Variants in HAUS2 observed in about 807,000 individuals in gnomAD.
HAUS2 encodes the protein HAUS augmin-like complex subunit 2.
Under a neutral mutation model 21.6 loss-of-function variants are expected in HAUS2, and 20 were observed. The ratio of observed to expected loss-of-function variants is 0.93; its 90% CI spans 0.65 to 1.35. HAUS2 has a LOEUF of 1.35. Among genes scored for constraint, HAUS2 ranks in the 40% most tolerant of loss-of-function variants. HAUS2 has a pLI of 0.00. For missense variants in HAUS2, 297 were observed against 280.7 expected (o/e 1.06, Z -0.42); for synonymous variants, 113 against 95.6 (o/e 1.18, Z -1.06).
chr15:42,548,849 C>T lies in HAUS2; in HGVS notation c.-24C>T, dbSNP rs1446585009. 5 of 1,535,758 alleles carry T rather than the reference C, an allele frequency of 3.3e-6. No homozygotes were observed. The highest frequency in any genetic ancestry group is 1.4e-5 in the African/African-American group (1 of 72,682). On this transcript the variant is annotated 5_prime_UTR_variant, in exon 1 of 6. Transcript: ENST00000260372. ...CTGCGATCCCGCTCACTCTTGGCGC[C>T]TTCGCGGAAGGTGCGTCCGAGCCAT...
Position 42,567,510 on chromosome 15 carries a change from T to A in HAUS2, c.*694T>A, listed in dbSNP as rs1290060496. 6.6e-6 allele frequency: 1 copy of A among 152,052 alleles called. No individual in the cohort carries two copies. The highest frequency in any genetic ancestry group is 1.5e-5 in the Non-Finnish European group (1 of 68,146). The allele number at this position is 152,052 out of a possible 1,614,324, so 9.4% of individuals were successfully genotyped here. A position where few individuals can be genotyped will look rare whatever the true frequency, so the allele number is the denominator to read the frequency against. ...TGAGGTCAGGAGTTCGAGACCAGCC[T>A]GGCCAACATGGCGAAACACCTGTCT... On this transcript the variant is annotated 3_prime_UTR_variant, in exon 6 of 6. Transcript: ENST00000260372.
At chr15:42,562,146 G>A (rs2057858917) in intron 4 of HAUS2, among the ~76,000 whole-genome samples, 1 of 152,166 alleles carries the variant, frequency 6.6e-6, no homozygotes, top group African/African-American at 2.4e-5. Context: ...GACAGAGTGA[G>A]ACCCTGTCTC....
chr15:42,557,354 A>T (rs1336828601), intron 1 of HAUS2, among the ~76,000 whole-genome samples: 20 of 51,944 alleles, frequency 3.9e-4, no homozygotes, highest in Admixed American at 1.1e-3. Flanking sequence ...TTTTATATAT[A>T]ATATATATTT....
chr15:42,557,519 A>AAATTGTATATAATG (rs2057800335), intron 1 of HAUS2, among the ~76,000 whole-genome samples: 1 of 122,986 alleles, frequency 8.1e-6, no homozygotes, highest in Non-Finnish European at 1.9e-5. Flanking sequence ...TATATTATAT[A>AAATTGTATATAATG]TATATGAAGT....
intron 1 of HAUS2, among the ~76,000 whole-genome samples, chr15:42,556,776 G>A (rs572251572): frequency 9.2e-5 from 14 of 151,378 alleles, no homozygotes; most frequent in African/African-American, 2.2e-4. Context: ...AGGCTGAGGC[G>A]GGTGGATCAC....
chr15:42,567,806 T>G lies in HAUS2; in HGVS notation c.*990T>G, dbSNP rs1406294304. On this transcript the variant is annotated 3_prime_UTR_variant, in exon 6 of 6. Transcript: ENST00000260372. The stretch of plus-strand genomic sequence containing the variant: ...TTGCAGTAAGCCAAGATCGTGCCTC[T>G]GCACTCCAACCTGGGTGATGGAGCA... 6.6e-6 allele frequency: 1 copy of G among 151,588 alleles called. No individual in the cohort carries two copies. Among genetic ancestry groups the G allele is most frequent in the Non-Finnish European group, 1.5e-5 (1 of 67,972 alleles). The allele number at this position is 151,588 out of a possible 1,614,324, so 9.4% of individuals were successfully genotyped here.
chr15:42,559,970 A>G (rs1422836044), intron 3 of HAUS2, among the ~76,000 whole-genome samples: 5 of 152,182 alleles, frequency 3.3e-5, no homozygotes, highest in Non-Finnish European at 5.9e-5. Flanking sequence ...ACCAGCCAAC[A>G]TGGTGAAACC....
At chr15:42,565,387 A>ATATG (rs773162093) in intron 5 of HAUS2, among the ~76,000 whole-genome samples, 1 of 136,396 alleles carries the variant, frequency 7.3e-6, no homozygotes, top group African/African-American at 2.6e-5. Context: ...GAGCCATTGA[A>ATATG]TGTGTGTGTG....
intron 1 of HAUS2, among the ~76,000 whole-genome samples, chr15:42,553,306 T>G (rs933377743): frequency 9.2e-5 from 14 of 152,232 alleles, no homozygotes; most frequent in Admixed American, 2.6e-4. Flanking sequence ...GATTTGAGCT[T>G]CTTCTTGTGC....
chr15:42,553,561 C>T (rs1010030329), intron 1 of HAUS2, among the ~76,000 whole-genome samples: 1 of 152,070 alleles, frequency 6.6e-6, no homozygotes, highest in Non-Finnish European at 1.5e-5. Context: ...TAAGCCTCCA[C>T]CTCCCTAAGT....
chr15:42,553,479 C>CTT (rs11434263), intron 1 of HAUS2, among the ~76,000 whole-genome samples: 7,821 of 147,628 alleles, frequency 0.053, 579 homozygotes, highest in African/African-American at 0.16. Flanking sequence ...ATACTTTTTT[C>CTT]TTTTTTTTTT....
intron 4 of HAUS2, among the ~76,000 whole-genome samples, chr15:42,562,251 T>C (rs1444380095): frequency 6.6e-6 from 1 of 152,170 alleles, no homozygotes; most frequent in Non-Finnish European, 1.5e-5. Flanking sequence ...AAGTGTCAGA[T>C]TTTTTATTTT....
chr15:42,568,015 TAA>T lies in HAUS2; in HGVS notation c.*1214_*1215del, dbSNP rs10710908. 4.4e-3 allele frequency: 631 copies of T among 142,812 alleles called. No individual in the cohort carries two copies. Among genetic ancestry groups the T allele is most frequent in the Middle Eastern group, 0.011 (3 of 284 alleles). The allele number at this position is 142,812 out of a possible 1,614,324, so 8.8% of individuals were successfully genotyped here. A position where few individuals can be genotyped will look rare whatever the true frequency, so the allele number is the denominator to read the frequency against. On this transcript the variant is annotated 3_prime_UTR_variant, in exon 6 of 6. Coordinates refer to ENST00000260372, the MANE Select transcript of HAUS2 (RefSeq NM_018097.3). ...TGGGCAACAGAGCAAGACTCTGTCT[TAA>T]AAAAAAAAAAAAAAGGTGTTTCTGA...
intron 3 of HAUS2, among the ~76,000 whole-genome samples, chr15:42,559,639 G>T (rs73406534): frequency 0.1 from 15,362 of 152,146 alleles, 865 homozygotes; most frequent in South Asian, 0.17. Flanking sequence ...GAACTTGAAA[G>T]ACAAAGTCTG....
At chr15:42,559,998 A>C (rs962759414) in intron 3 of HAUS2, among the ~76,000 whole-genome samples, 1 of 152,150 alleles carries the variant, frequency 6.6e-6, no homozygotes, top group Admixed American at 6.5e-5. Context: ...TACAAAAAAA[A>C]TACAAAAACT....
At chr15:42,558,364 A>G in intron 2 of HAUS2, 74 bp downstream of exon 2, 1 of 574,236 alleles carries the variant, frequency 1.7e-6, no homozygotes, top group South Asian at 2.0e-5. Flanking sequence ...TCTGTCACGC[A>G]GGCTGGAGGC....
Position 42,556,237 on chromosome 15 carries a change from C to T in HAUS2, c.94-1961C>T, listed in dbSNP as rs145270412. On this transcript the variant is annotated intron_variant, in intron 1 of 5. Coordinates refer to ENST00000260372, the MANE Select transcript of HAUS2 (RefSeq NM_018097.3). ...ATGGCCTCCCAAAATGTTGGGATTA[C>T]AGGTGTGAGCCACTGCGCCCAGGCT... 8.6e-3 allele frequency among the ~76,000 whole-genome samples: 1,168 copies of T among 136,532 alleles called. 24 individuals are homozygous for T. Among genetic ancestry groups the T allele is most frequent in the African/African-American group, 0.031 (1,117 of 35,736 alleles). 89.6% of individuals were successfully genotyped at this position (136,532 alleles called of 152,430 possible).
At chr15:42,554,137 C>A (rs2057750175) in intron 1 of HAUS2, among the ~76,000 whole-genome samples, 1 of 152,110 alleles carries the variant, frequency 6.6e-6, no homozygotes, top group Admixed American at 6.5e-5. Context: ...TCTTTTCTTC[C>A]TTTCCTTTTT....
chr15:42,555,593 A>G (rs144633855), intron 1 of HAUS2, among the ~76,000 whole-genome samples: 30 of 152,212 alleles, frequency 2.0e-4, no homozygotes, highest in African/African-American at 6.7e-4. Context: ...CTTTTCACAT[A>G]TATGCTAACA....
Sources: allele counts gnomAD v4.1 joint callset (sites outside exome capture counted in the v4.1 genomes callset), GRCh38; gene constraint gnomAD v4.1.1; transcripts MANE v1.5; gene names NCBI Gene and HGNC (gene_info 2026-07-23, HGNC 2026-07-21).